Variants in NRXN2 observed in about 807,000 individuals in gnomAD.
NRXN2 encodes neurexin-2-beta.
NRXN2 carries 29 observed loss-of-function variants against 128.8 expected under a neutral mutation model. The observed-to-expected ratio is 0.23, with a 90% CI of 0.17 to 0.31. The LOEUF is 0.31. Among genes scored for constraint, NRXN2 ranks in the 10% least tolerant of loss-of-function variants. The pLI is 1.00. For missense variants in NRXN2, 1,881 were observed against 2,452.6 expected, an observed-to-expected ratio of 0.77 and a Z score of 4.92; for synonymous variants, 1,098 against 1,075.2, an observed-to-expected ratio of 1.02 and a Z score of -0.41.
chr11:64,693,849 C>T (rs1394348622), intron 3 of NRXN2, among the ~76,000 whole-genome samples: 2 of 152,170 alleles, frequency 1.3e-5, no homozygotes, highest in Non-Finnish European at 1.5e-5. Context: ...CCAAGTACAT[C>T]ATTCATAAAT....
At chr11:64,694,769 G>A (rs754835112) in intron 3 of NRXN2, among the ~76,000 whole-genome samples, 2 of 152,096 alleles carry the variant, frequency 1.3e-5, no homozygotes, top group Non-Finnish European at 2.9e-5. Flanking sequence ...CCCAGACCCA[G>A]AGCCCTCAAC....
rs2057187833 is a variant in NRXN2 at position 64,713,857 on chromosome 11, A to ATCTG, written c.-159_-158insCAGA. On this transcript the variant is annotated 5_prime_UTR_variant, in exon 2 of 23. It adds an upstream start codon to the 5' untranslated region. Transcript: ENST00000265459. ...GGCCCGGCCGCGGGGCGAGGCGCGC[A>ATCTG]GAGGCCCAGATGCCGGCTTCCCTCA... The ATCTG allele has an allele frequency of 7.2e-6, 2 of 278,012 alleles. No individual in the cohort carries two copies. The highest frequency in any genetic ancestry group is 1.3e-4 in the Admixed American group (2 of 15,998). The allele number at this position is 278,012 out of a possible 1,614,324, so 17.2% of individuals were successfully genotyped here. A position where few individuals can be genotyped will look rare whatever the true frequency, so the allele number is the denominator to read the frequency against.
At chr11:64,626,623 G>T in intron 19 of NRXN2, 71 bp from the exon 20 acceptor site, 1 of 1,105,528 alleles carries the variant, frequency 9.0e-7, no homozygotes, top group Non-Finnish European at 1.4e-6. Flanking sequence ...AAGTAATTAT[G>T]CAATCCTCAG....
intron 6 of NRXN2, among the ~76,000 whole-genome samples, chr11:64,685,335 G>A (rs921098885): frequency 5.3e-5 from 8 of 152,032 alleles, no homozygotes; most frequent in Non-Finnish European, 1.0e-4. Context: ...TAAATCACCT[G>A]ATTTCTTAGC....
chr11:64,651,329 G>T lies in NRXN2; in HGVS notation c.2844C>A (p.Thr948=), dbSNP rs1350884888. The change falls in exon 14 of 23, where the codon ACC becomes ACA. Residue 948 remains threonine (T), a synonymous_variant. Transcript: ENST00000265459. This position sits in a 1 kb window ranked among gnomAD's most constrained non-coding sequence, Gnocchi z 5.9. ...ACAGAAGAAGCCCATCAGGGGCCGT[G>T]GTCTTGAACTGGAAGAAGAGGTGCA... ...ASMHLFFQFK[T]TAPDGLLLFN... is the part of the protein sequence containing the mutation. 1.9e-6 allele frequency: 3 copies of T among 1,614,078 alleles called. No individual in the cohort carries two copies. The highest frequency in any genetic ancestry group is 2.5e-6 in the Non-Finnish European group (3 of 1,180,038).
In NRXN2 at chr11:64,650,514, T is replaced by A. The variant is rs1227598892; in HGVS notation, c.3043A>T (p.Thr1015Ser). ...VVSRDPGNVH[T>S]LKIDSRTVTQ... is the part of the protein sequence containing the mutation. ...ACAGTGCGGGAGTCAATCTTGAGCG[T>A]GTGCACGTTGCCTGGGTCCCTGGAC... Residue 1015 changes from threonine (T) to serine (S), a missense_variant, in exon 15 of 23, where the codon ACG (threonine) becomes TCG (serine). By Grantham distance (58) the Thr-to-Ser change is moderately conservative (BLOSUM62 1). Coordinates refer to ENST00000265459, the MANE Select transcript of NRXN2 (RefSeq NM_015080.4). The A allele has an allele frequency of 1.2e-6, 2 of 1,614,134 alleles. No individual in the cohort carries two copies. Among genetic ancestry groups the A allele is most frequent in the Admixed American group, 1.7e-5 (1 of 60,026 alleles).
intron 6 of NRXN2, 23 bp from the exon 7 acceptor site, chr11:64,677,060 T>C (rs1434512656): frequency 8.3e-7 from 1 of 1,198,180 alleles, no homozygotes; most frequent in South Asian, 1.3e-5. Flanking sequence ...TATGGGGGGA[T>C]GGGGAGGAGG....
intron 7 of NRXN2, chr11:64,675,384 G>A (rs1284997840): frequency 6.6e-6 from 1 of 152,312 alleles, no homozygotes; most frequent in Non-Finnish European, 1.5e-5. Context: ...TGTAGCCTCA[G>A]AGGTAGAGCC....
intron 6 of NRXN2, among the ~76,000 whole-genome samples, chr11:64,681,148 G>T (rs1473262911): frequency 1.3e-5 from 2 of 151,592 alleles, no homozygotes; most frequent in African/African-American, 4.8e-5. Flanking sequence ...TGAATTGGAG[G>T]GTTTTTTTTC....
In NRXN2 at chr11:64,648,598, T is replaced by G; in HGVS notation, c.3283+136A>C. 7.9e-7 allele frequency: 1 copy of G among 1,260,726 alleles called. No homozygotes were observed. The highest frequency in any genetic ancestry group is 1.1e-6 in the Non-Finnish European group (1 of 872,550). 78.1% of individuals were successfully genotyped at this position (1,260,726 alleles called of 1,614,324 possible). A position where few individuals can be genotyped will look rare whatever the true frequency, so the allele number is the denominator to read the frequency against. Reference sequence around the variant, plus strand: ...CACACCTGTATCCCTGCCCCAGAACTGTGGGGGCAAGCTCCCATAAGGCCT... The same window carrying G: ...CACACCTGTATCCCTGCCCCAGAACGGTGGGGGCAAGCTCCCATAAGGCCT... On this transcript the variant is annotated intron_variant, in intron 16 of 22. Coordinates refer to ENST00000265459, the MANE Select transcript of NRXN2 (RefSeq NM_015080.4). The surrounding 1 kb of genome is among the most constrained non-coding windows in gnomAD (Gnocchi z 4.1).
At chr11:64,697,887 G>A (rs1302722155) in intron 2 of NRXN2, 95 bp from the exon 3 acceptor site, 2 of 1,471,890 alleles carry the variant, frequency 1.4e-6, no homozygotes, top group Non-Finnish European at 1.9e-6. Flanking sequence ...TCCAAGGGGA[G>A]AGAGGAGTCC....
chr11:64,627,599 T>C (rs1468734499), intron 19 of NRXN2, among the ~76,000 whole-genome samples: 6 of 151,850 alleles, frequency 4.0e-5, no homozygotes, highest in Admixed American at 3.9e-4. Flanking sequence ...CCTGTTCCTC[T>C]CTGCGCTCAC....
chr11:64,698,079 G>A (rs1369894400), intron 2 of NRXN2, among the ~76,000 whole-genome samples: 1 of 152,200 alleles, frequency 6.6e-6, no homozygotes, highest in African/African-American at 2.4e-5. Context: ...GCCCAGGACA[G>A]GGAAGTAACC....
chr11:64,641,153 G>A (rs539713277), intron 17 of NRXN2, among the ~76,000 whole-genome samples: 1 of 152,218 alleles, frequency 6.6e-6, no homozygotes, highest in Admixed American at 6.5e-5. Context: ...GGACATGGAA[G>A]GTGAAGAGAG....
rs1336665936 is a variant in NRXN2, at chr11:64,704,623, C to CACACAGAGAGAG, written c.731-6832_731-6831insCTCTCTCTGTGT. ...TCACACACACACACACACACACACA[C>CACACAGAGAGAG]AGAGAGAGAGAGAGAGAGAGAGAGA... is the stretch of plus-strand genomic sequence containing the variant. On this transcript the variant is annotated intron_variant, in intron 2 of 22. Coordinates refer to ENST00000265459, the MANE Select transcript of NRXN2 (RefSeq NM_015080.4). 1.2e-3 allele frequency among the ~76,000 whole-genome samples: 98 copies of CACACAGAGAGAG among 81,204 alleles called. 1 individual carries two copies. The highest frequency in any genetic ancestry group is 1.5e-3 in the Non-Finnish European group (61 of 41,590). The allele number at this position is 81,204 out of a possible 152,430, so 53.3% of individuals were successfully genotyped here. A position where few individuals can be genotyped will look rare whatever the true frequency, so the allele number is the denominator to read the frequency against.
In NRXN2 at chr11:64,660,942, G is replaced by A. The variant is rs769291803; in HGVS notation, c.1996C>T (p.Arg666Cys). ...GCVRDLFIDGRSRDLRGLAEA... is the reference protein window; with the variant it reads ...GCVRDLFIDGCSRDLRGLAEA... The stretch of plus-strand genomic sequence containing the variant: ...GCCAGGCCCCGGAGGTCTCGGCTAC[G>A]CCCATCTATGAAGAGGTCCCGCACA... The change falls in exon 10 of 23, where the codon CGT becomes TGT. Residue 666 changes from arginine to cysteine, a missense_variant. Physicochemically the swap from Arg to Cys is radical, Grantham distance 180. This residue lies in a region of NRXN2 where 997 missense variants were observed against 1,240.8 expected (regional missense o/e 0.80). Coordinates refer to ENST00000265459, the MANE Select transcript of NRXN2 (RefSeq NM_015080.4). This position sits in a 1 kb window ranked among gnomAD's most constrained non-coding sequence, Gnocchi z 5.2. 3.7e-6 allele frequency: 6 copies of A among 1,613,778 alleles called. No individual in the cohort carries two copies. The highest frequency in any genetic ancestry group is 5.1e-6 in the Non-Finnish European group (6 of 1,179,944).
At chr11:64,618,735 G>A (rs2041898571) in intron 22 of NRXN2, among the ~76,000 whole-genome samples, 1 of 152,156 alleles carries the variant, frequency 6.6e-6, no homozygotes, top group Non-Finnish European at 1.5e-5. Context: ...GGGCCTCCTA[G>A]AGAGGAAGGC....
Position 64,623,288 on chromosome 11 carries a change from AC to A in NRXN2, c.3848-211del. On this transcript the variant is annotated intron_variant, in intron 20 of 22. Coordinates refer to ENST00000265459, the MANE Select transcript of NRXN2 (RefSeq NM_015080.4). The surrounding 1 kb of genome is among the most constrained non-coding windows in gnomAD (Gnocchi z 4.9). ...CAGCCCCTAGCCCAGCCAGGTGGGGACCCCAGAAGGGGAGGGCACCCAGGGT... is the reference window on the plus strand; with the variant it reads ...CAGCCCCTAGCCCAGCCAGGTGGGGACCCAGAAGGGGAGGGCACCCAGGGT... 1 of 867,078 alleles carries A rather than the reference AC, an allele frequency of 1.2e-6. No individual in the cohort carries two copies. The highest frequency in any genetic ancestry group is 1.7e-6 in the Non-Finnish European group (1 of 584,092). The allele number at this position is 867,078 out of a possible 1,614,324, so 53.7% of individuals were successfully genotyped here. A position where few individuals can be genotyped will look rare whatever the true frequency, so the allele number is the denominator to read the frequency against.
At chr11:64,628,284 G>A (rs572354573) in intron 19 of NRXN2, among the ~76,000 whole-genome samples, 2 of 152,246 alleles carry the variant, frequency 1.3e-5, no homozygotes, top group East Asian at 1.9e-4. Flanking sequence ...AAGGTTACAC[G>A]CTTGTCAGTG....
Sources: gnomAD v4.1 joint callset for allele counts (sites outside exome capture counted in the v4.1 genomes callset) on GRCh38, gnomAD v4.1.1 for gene constraint, gnomAD v4.1.1 regional missense constraint, Gnocchi (gnomAD v3.1) non-coding constraint, MANE v1.5 for transcripts, NCBI Gene and HGNC (gene_info 2026-07-23, HGNC 2026-07-21) for gene names.